SLC30A8: variants seen among roughly 807,000 people sequenced by gnomAD.
SLC30A8 encodes the protein solute carrier family 30 member 8, also known as proton-coupled zinc antiporter SLC30A8.
In SLC30A8, 27 loss-of-function variants were observed where a neutral mutation model predicts 36.9. The observed-to-expected ratio is 0.73, with a 90% CI of 0.54 to 1.01. SLC30A8 has a LOEUF of 1.01. SLC30A8 is among the 50% of genes least tolerant of loss of function. The pLI is 0.00. For synonymous variants in SLC30A8, 164 were observed against 172.4 expected (o/e 0.95, Z 0.38); for missense variants, 439 against 452.0 (o/e 0.97, Z 0.26).
intron 4 of SLC30A8, among the ~76,000 whole-genome samples, chr8:117,158,915 C>T (rs1382986879): frequency 6.6e-6 from 1 of 152,164 alleles, no homozygotes; most frequent in East Asian, 1.9e-4. Flanking sequence ...AGGAACTGTG[C>T]AAATATGATG....
intron 1 of SLC30A8, among the ~76,000 whole-genome samples, chr8:117,028,652 A>G (rs1816944593): frequency 6.6e-6 from 1 of 151,960 alleles, no homozygotes; most frequent in Non-Finnish European, 1.5e-5. Flanking sequence ...TAAAATCTAA[A>G]GTTTCTGAGC....
intron 1 of SLC30A8, among the ~76,000 whole-genome samples, chr8:117,135,851 A>C (rs1821336935): frequency 6.6e-6 from 1 of 151,944 alleles, no homozygotes; most frequent in Admixed American, 6.6e-5. Context: ...ATACATACCT[A>C]TAACAAATAT....
At chr8:117,019,098 C>A (rs1167153010) in intron 1 of SLC30A8, among the ~76,000 whole-genome samples, 1 of 151,966 alleles carries the variant, frequency 6.6e-6, no homozygotes, top group Non-Finnish European at 1.5e-5. Flanking sequence ...AGTCTCTGGC[C>A]CTTTAAGAAA....
intron 4 of SLC30A8, among the ~76,000 whole-genome samples, chr8:117,160,718 G>C (rs1171551001): frequency 6.6e-6 from 1 of 152,160 alleles, no homozygotes; most frequent in Non-Finnish European, 1.5e-5. Flanking sequence ...AACCTTAAAT[G>C]TTAACTCCTA....
intron 1 of SLC30A8, among the ~76,000 whole-genome samples, chr8:117,034,054 A>G (rs974315663): frequency 3.3e-5 from 5 of 152,188 alleles, no homozygotes; most frequent in Non-Finnish European, 7.4e-5. Flanking sequence ...TAGTTGTCCT[A>G]TATACTCAGA....
Position 117,161,128 on chromosome 8 carries a change from C to A in SLC30A8, c.573-610C>A, listed in dbSNP as rs1389399386. On this transcript the variant is annotated intron_variant, in intron 4 of 7. Coordinates refer to ENST00000456015, the MANE Select transcript of SLC30A8 (RefSeq NM_173851.3). Reference sequence around the variant, plus strand: ...GTATATGTATGTACACATACAAGATCATTTTTCATACATTAATATATTTCT... The same window carrying A: ...GTATATGTATGTACACATACAAGATAATTTTTCATACATTAATATATTTCT... Among the ~76,000 whole-genome samples, 3 of 152,102 alleles carry A rather than the reference C, an allele frequency of 2.0e-5. No individual in the cohort carries two copies. In the East Asian group the frequency reaches 5.8e-4, roughly 29 times the overall value.
At chr8:116,977,510 C>CTTTT (rs71305452) in intron 1 of SLC30A8, among the ~76,000 whole-genome samples, 3 of 116,400 alleles carry the variant, frequency 2.6e-5, no homozygotes, top group African/African-American at 1.0e-4. Flanking sequence ...TACTTTACCA[C>CTTTT]TTTTTTTTTT....
intron 2 of SLC30A8, among the ~76,000 whole-genome samples, chr8:117,097,338 A>C (rs1200796982): frequency 2.2e-5 from 3 of 133,486 alleles, no homozygotes. Flanking sequence ...TGGAGCTTGC[A>C]GTGAGCCGAG....
chr8:117,047,570 G>A (rs970507706), intron 2 of SLC30A8, among the ~76,000 whole-genome samples: 1 of 152,070 alleles, frequency 6.6e-6, no homozygotes, highest in Non-Finnish European at 1.5e-5. Flanking sequence ...CCTTGGAAAG[G>A]ACTACATATA....
chr8:116,990,848 A>C (rs1001726927), intron 1 of SLC30A8, among the ~76,000 whole-genome samples: 1 of 152,204 alleles, frequency 6.6e-6, no homozygotes, highest in Non-Finnish European at 1.5e-5. Flanking sequence ...TAATTATTCT[A>C]AAATTTAAAG....
intron 2 of SLC30A8, among the ~76,000 whole-genome samples, chr8:117,053,270 C>T (rs1379164728): frequency 2.0e-5 from 3 of 152,106 alleles, no homozygotes; most frequent in African/African-American, 7.2e-5. Flanking sequence ...TAGTAGTGGT[C>T]TTCCTCATTT....
chr8:117,169,776 T>G (rs576069782), intron 6 of SLC30A8, among the ~76,000 whole-genome samples: 1 of 151,942 alleles, frequency 6.6e-6, no homozygotes, highest in Non-Finnish European at 1.5e-5. Context: ...CTACACACTT[T>G]TAAATGACCA....
chr8:117,118,186 A>G (rs1480269499), intron 2 of SLC30A8, among the ~76,000 whole-genome samples: 1 of 151,100 alleles, frequency 6.6e-6, no homozygotes, highest in Non-Finnish European at 1.5e-5. Flanking sequence ...CAAAAAAAAA[A>G]AAAAAAACCA....
chr8:117,145,601 T>A (rs1235294990), intron 1 of SLC30A8, among the ~76,000 whole-genome samples: 1 of 152,166 alleles, frequency 6.6e-6, no homozygotes, highest in Non-Finnish European at 1.5e-5. Flanking sequence ...TCCAAGACTC[T>A]TATTTATTTC....
At chr8:117,075,736 A>G (rs939544959) in intron 2 of SLC30A8, among the ~76,000 whole-genome samples, 1 of 152,160 alleles carries the variant, frequency 6.6e-6, no homozygotes, top group Non-Finnish European at 1.5e-5. Flanking sequence ...GTAGAATGCA[A>G]ATGTAATCAA....
intron 2 of SLC30A8, among the ~76,000 whole-genome samples, chr8:117,095,183 C>CA (rs1819303935): frequency 6.6e-6 from 1 of 152,314 alleles, no homozygotes; most frequent in African/African-American, 2.4e-5. Flanking sequence ...CTGTGTAGCA[C>CA]AGAGCCCTGG....
chr8:117,165,472 G>A (rs1823011417), intron 6 of SLC30A8, among the ~76,000 whole-genome samples: 1 of 152,164 alleles, frequency 6.6e-6, no homozygotes, highest in Non-Finnish European at 1.5e-5. Flanking sequence ...GCCTCAGAAA[G>A]GCCAGATAAG....
At chr8:117,000,126 G>A (rs1031349790) in intron 1 of SLC30A8, among the ~76,000 whole-genome samples, 6 of 152,090 alleles carry the variant, frequency 3.9e-5, no homozygotes, top group Non-Finnish European at 7.4e-5. Flanking sequence ...TATTTTAAAC[G>A]CTATGAGTCA....
intron 1 of SLC30A8, among the ~76,000 whole-genome samples, chr8:116,980,524 C>T (rs1815214744): frequency 6.6e-6 from 1 of 152,150 alleles, no homozygotes; most frequent in African/African-American, 2.4e-5. Context: ...GTCAGTCAGT[C>T]ATTGGCTGAG....
Sources: allele counts gnomAD v4.1 joint callset (sites outside exome capture counted in the v4.1 genomes callset), GRCh38; gene constraint gnomAD v4.1.1; transcripts MANE v1.5; gene names NCBI Gene and HGNC (gene_info 2026-07-23, HGNC 2026-07-21).